Variants in DIAPH3 observed in about 807,000 individuals in gnomAD.
DIAPH3 encodes the protein protein diaphanous homolog 3.
DIAPH3 carries 117 observed loss-of-function variants against 144.3 expected under a neutral mutation model. The ratio of observed to expected loss-of-function variants is 0.81; its 90% CI spans 0.70 to 0.95. The LOEUF is 0.95. Ranked by LOEUF, DIAPH3 falls within the 40% of genes least tolerant of loss-of-function variation. DIAPH3 has a pLI of 0.00. For synonymous variants in DIAPH3, 519 were observed against 488.9 expected (o/e 1.06, Z -0.81); for missense variants, 1,421 against 1,412.7 (o/e 1.01, Z -0.09).
intron 12 of DIAPH3, among the ~76,000 whole-genome samples, chr13:59,987,478 AAAAAAAAAAAAG>A (rs1206448673): frequency 9.2e-5 from 13 of 141,058 alleles, no homozygotes; most frequent in African/African-American, 2.7e-4. Context: ...AGTATAATAA[AAAAAAAAAAAAG>A]AAAAAAAAAA....
intron 27 of DIAPH3, among the ~76,000 whole-genome samples, chr13:59,668,798 C>T (rs952038128): frequency 6.6e-6 from 1 of 150,992 alleles, no homozygotes; most frequent in Non-Finnish European, 1.5e-5. Context: ...ACTTGGTAGG[C>T]AAATTATTAA....
chr13:59,839,028 T>C, intron 23 of DIAPH3: 1 of 295,024 alleles, frequency 3.4e-6, no homozygotes, highest in Non-Finnish European at 6.6e-6. Context: ...GGAGAATTGC[T>C]TGAACTTGGG....
At chr13:60,065,125 G>T (rs1283983023) in intron 4 of DIAPH3, among the ~76,000 whole-genome samples, 1 of 151,924 alleles carries the variant, frequency 6.6e-6, no homozygotes, top group East Asian at 1.9e-4. Context: ...TAATGGAAAA[G>T]TTTGAAATAT....
rs1314869705 is a variant in DIAPH3, at chr13:60,047,637, C to T, written c.496-4817G>A. ...CATATGAAAGAAAGTGAACCTGGAT[C>T]CTAGACCTAAAAGTAAAAGCTAAAA... On this transcript the variant is annotated intron_variant, in intron 4 of 27. Coordinates refer to ENST00000400324, the MANE Select transcript of DIAPH3 (RefSeq NM_001042517.2). Among the ~76,000 whole-genome samples the T allele has an allele frequency of 2.6e-5, 4 of 152,060 alleles. No homozygotes were observed. In the East Asian group the frequency reaches 5.8e-4, roughly 22 times the overall value.
At chr13:60,046,277 A>G (rs1392221052) in intron 4 of DIAPH3, among the ~76,000 whole-genome samples, 3 of 152,226 alleles carry the variant, frequency 2.0e-5, no homozygotes, top group African/African-American at 7.2e-5. Context: ...ATAGGATATT[A>G]TATGTCCCAA....
intron 25 of DIAPH3, among the ~76,000 whole-genome samples, chr13:59,797,860 T>C (rs573468687): frequency 6.6e-6 from 1 of 152,286 alleles, no homozygotes; most frequent in East Asian, 1.9e-4. Context: ...CTACAAAAAC[T>C]TGCAAAGTTG....
chr13:59,925,417 C>T (rs2047706524), intron 17 of DIAPH3, among the ~76,000 whole-genome samples: 1 of 152,062 alleles, frequency 6.6e-6, no homozygotes, highest in Non-Finnish European at 1.5e-5. Context: ...TTTGATCATA[C>T]TGTATTATCT....
At chr13:59,892,744 T>C (rs2045883996) in intron 20 of DIAPH3, among the ~76,000 whole-genome samples, 1 of 151,674 alleles carries the variant, frequency 6.6e-6, no homozygotes, top group African/African-American at 2.4e-5. Flanking sequence ...ATGAGATAAA[T>C]AGAAAATAAA....
intron 2 of DIAPH3, among the ~76,000 whole-genome samples, chr13:60,124,346 T>C (rs1029495114): frequency 5.9e-5 from 9 of 152,162 alleles, no homozygotes; most frequent in African/African-American, 2.2e-4. Context: ...TTCTGAGATA[T>C]GTGAAGTGCT....
intron 12 of DIAPH3, 107 bp downstream of exon 12, chr13:59,991,051 G>A: frequency 2.9e-6 from 2 of 700,790 alleles, no homozygotes; most frequent in Non-Finnish European, 4.9e-6. Context: ...TCAGTGTTAT[G>A]ACAAAAATAA....
At chr13:59,845,703 T>C (rs1424323532) in intron 22 of DIAPH3, among the ~76,000 whole-genome samples, 2 of 152,198 alleles carry the variant, frequency 1.3e-5, no homozygotes, top group African/African-American at 2.4e-5. Flanking sequence ...TAACCATTCA[T>C]AATTTACAAG....
At chr13:59,915,792 A>G (rs1333340801) in intron 19 of DIAPH3, among the ~76,000 whole-genome samples, 1 of 152,106 alleles carries the variant, frequency 6.6e-6, no homozygotes, top group African/African-American at 2.4e-5. Flanking sequence ...TCTAAACCAT[A>G]TAATAATATC....
chr13:60,053,366 T>C (rs2056433237), intron 4 of DIAPH3, among the ~76,000 whole-genome samples: 1 of 152,102 alleles, frequency 6.6e-6, no homozygotes, highest in South Asian at 2.1e-4. Flanking sequence ...TCACAAAAAT[T>C]AGAAGGATAT....
Position 59,970,739 on chromosome 13 carries a change from ATAAAT to A in DIAPH3, c.1959+108_1959+112del, listed in dbSNP as rs900760356. 25 of 965,062 alleles carry A rather than the reference ATAAAT, an allele frequency of 2.6e-5. No homozygotes were observed. The Admixed American group carries it at 3.6e-4, about 14-fold the overall frequency. 59.8% of individuals were successfully genotyped at this position (965,062 alleles called of 1,614,324 possible). A position where few individuals can be genotyped will look rare whatever the true frequency, so the allele number is the denominator to read the frequency against. ...TAGTGACATTAGAAATTATGTATAT[ATAAAT>A]TAAATTATGTAGGCATAAATTAAAT... On this transcript the variant is annotated intron_variant, in intron 16 of 27. Coordinates refer to ENST00000400324, the MANE Select transcript of DIAPH3 (RefSeq NM_001042517.2).
At chr13:59,980,488 C>A (rs1427529801) in intron 14 of DIAPH3, among the ~76,000 whole-genome samples, 1 of 151,382 alleles carries the variant, frequency 6.6e-6, no homozygotes, top group Admixed American at 6.6e-5. Flanking sequence ...AAACAAAATG[C>A]CTCAAAGTTT....
intron 27 of DIAPH3, among the ~76,000 whole-genome samples, chr13:59,699,998 G>A (rs568690411): frequency 5.9e-5 from 9 of 152,260 alleles, no homozygotes; most frequent in Non-Finnish European, 1.2e-4. Context: ...ACATTTCTGA[G>A]TTGCAAATCT....
Position 59,881,068 on chromosome 13 carries a change from G to A in DIAPH3, c.2368-1600C>T, listed in dbSNP as rs182917089. On this transcript the variant is annotated intron_variant, in intron 20 of 27. Coordinates refer to ENST00000400324, the MANE Select transcript of DIAPH3 (RefSeq NM_001042517.2). ...TATGAAATTATAAAGAGACAAAGAT[G>A]TACTATTATAATGTTGATTCTTATT... is the stretch of plus-strand genomic sequence containing the variant. Among the ~76,000 whole-genome samples the A allele has an allele frequency of 2.1e-4, 32 of 150,996 alleles. No homozygotes were observed. In the East Asian group the frequency reaches 5.7e-3, roughly 27 times the overall value.
chr13:59,843,782 T>TGGAA (rs2042471089), intron 22 of DIAPH3, among the ~76,000 whole-genome samples: 1 of 152,092 alleles, frequency 6.6e-6, no homozygotes, highest in South Asian at 2.1e-4. Flanking sequence ...AACACACACT[T>TGGAA]GGAAGAAAGA....
At chr13:60,063,200 C>A (rs1407177618) in intron 4 of DIAPH3, among the ~76,000 whole-genome samples, 6 of 152,212 alleles carry the variant, frequency 3.9e-5, no homozygotes, top group Non-Finnish European at 5.9e-5. Flanking sequence ...GAAGTAGTTT[C>A]CGTTTCAATA....
Sources: gnomAD v4.1 joint callset for allele counts (sites outside exome capture counted in the v4.1 genomes callset) on GRCh38, gnomAD v4.1.1 for gene constraint, MANE v1.5 for transcripts, NCBI Gene and HGNC (gene_info 2026-07-23, HGNC 2026-07-21) for gene names.